The following GAS7 variants were observed in gnomAD, a reference collection of about 807,000 sequenced individuals.
The protein encoded by GAS7 is growth arrest-specific protein 7.
Under a neutral mutation model 71.1 loss-of-function variants are expected in GAS7, and 28 were observed. The ratio of observed to expected loss-of-function variants is 0.39; its 90% CI spans 0.29 to 0.54. GAS7 has a LOEUF of 0.54. GAS7 is among the 20% of genes least tolerant of loss of function. The probability of loss-of-function intolerance (pLI) is 0.62; values close to 1 mark genes in which losing one functional copy is unlikely to be tolerated. For synonymous variants in GAS7, 258 were observed against 245.8 expected (o/e 1.05, Z -0.46); for missense variants, 436 against 627.8 (o/e 0.69, Z 3.27).
intron 1 of GAS7, among the ~76,000 whole-genome samples, chr17:10,179,326 T>A (rs1296790841): frequency 1.3e-5 from 2 of 148,888 alleles, no homozygotes; most frequent in Non-Finnish European, 3.0e-5. Context: ...TGAGTGAAAC[T>A]CCATCTCAAA....
At chr17:10,198,175 C>A in intron 1 of GAS7, 33 bp downstream of exon 1, 1 of 1,595,098 alleles carries the variant, frequency 6.3e-7, no homozygotes. Context: ...GACCGCAGCC[C>A]CGGCTCCTAC....
At chr17:9,960,643 G>A (rs961037101) in intron 4 of GAS7, among the ~76,000 whole-genome samples, 3 of 152,336 alleles carry the variant, frequency 2.0e-5, no homozygotes, top group Admixed American at 1.3e-4. Flanking sequence ...TGGACACCTG[G>A]CCAAATGACC....
At chr17:9,934,122 C>T (rs2068306547) in intron 9 of GAS7, 44 bp downstream of exon 9, 1 of 1,229,938 alleles carries the variant, frequency 8.1e-7, no homozygotes, top group Admixed American at 1.7e-5. Context: ...TTTTAGTACC[C>T]CAGTGTGTAA....
At chr17:10,096,798 C>A (rs1479748400) in intron 1 of GAS7, among the ~76,000 whole-genome samples, 2 of 152,272 alleles carry the variant, frequency 1.3e-5, no homozygotes, top group East Asian at 3.8e-4. Context: ...CACATCCTGA[C>A]ATCTTTGGAT....
chr17:10,106,971 G>C (rs766065429), intron 1 of GAS7, among the ~76,000 whole-genome samples: 3 of 152,144 alleles, frequency 2.0e-5, no homozygotes, highest in Non-Finnish European at 2.9e-5. Flanking sequence ...GAAGAAAGAG[G>C]CTGATGCCAC....
At chr17:9,946,839 T>C in intron 6 of GAS7, 55 bp downstream of exon 6, 1 of 1,120,490 alleles carries the variant, frequency 8.9e-7, no homozygotes, top group Admixed American at 1.8e-5. Flanking sequence ...CCATCCTGGG[T>C]GTCCACTCCC....
chr17:10,030,592 TA>T (rs1240263157), intron 1 of GAS7, among the ~76,000 whole-genome samples: 1 of 152,232 alleles, frequency 6.6e-6, no homozygotes, highest in Non-Finnish European at 1.5e-5. Context: ...TCGGAGGTAT[TA>T]CCAGAGTCCT....
At chr17:10,138,548 G>T (rs954697209) in intron 1 of GAS7, among the ~76,000 whole-genome samples, 1 of 151,832 alleles carries the variant, frequency 6.6e-6, no homozygotes, top group Non-Finnish European at 1.5e-5. Flanking sequence ...GCAGATCATG[G>T]GGTCAGGAGT....
intron 2 of GAS7, among the ~76,000 whole-genome samples, chr17:9,995,281 C>T (rs2070994755): frequency 6.6e-6 from 1 of 152,160 alleles, no homozygotes; most frequent in Non-Finnish European, 1.5e-5. Flanking sequence ...TGAAGGAAGA[C>T]TCAGCTCAAA....
chr17:9,917,192 T>G lies in GAS7; in HGVS notation c.*36A>C. On this transcript the variant is annotated 3_prime_UTR_variant, in exon 14 of 14. Transcript: ENST00000432992. ...CCCCATGGTGGGAGCCCAGCCCCCC[T>G]CCCCAGCAGGACCCCCCGAAGCTGC... is the stretch of plus-strand genomic sequence containing the variant. 554 of 1,026,668 alleles carry G rather than the reference T, an allele frequency of 5.4e-4. No individual in the cohort carries two copies. Among genetic ancestry groups the G allele is most frequent in the Non-Finnish European group, 7.9e-4 (509 of 645,270 alleles). The allele number at this position is 1,026,668 out of a possible 1,614,324, so 63.6% of individuals were successfully genotyped here.
Position 10,117,450 on chromosome 17 carries a change from A to T in GAS7, c.183+80758T>A, listed in dbSNP as rs73273882. Among the ~76,000 whole-genome samples the T allele has an allele frequency of 6.9e-3, 1,045 of 152,278 alleles. 8 individuals are homozygous for T. The highest frequency in any genetic ancestry group is 0.024 in the African/African-American group (995 of 41,576). On this transcript the variant is annotated intron_variant, in intron 1 of 13. Transcript: ENST00000432992. Reference sequence around the variant, plus strand: ...CAGGGGACCATTACTCAGCCCCCACAGGGAGTTGGGCTGCAAAGGCCCTGA... The same window carrying T: ...CAGGGGACCATTACTCAGCCCCCACTGGGAGTTGGGCTGCAAAGGCCCTGA...
At chr17:10,115,614 G>A (rs1311069079) in intron 1 of GAS7, among the ~76,000 whole-genome samples, 4 of 150,480 alleles carry the variant, frequency 2.7e-5, no homozygotes, top group Non-Finnish European at 5.9e-5. Context: ...CTAGCATGAG[G>A]TGTCCATTGT....
At chr17:10,185,426 C>T (rs1167827630) in intron 1 of GAS7, among the ~76,000 whole-genome samples, 2 of 152,234 alleles carry the variant, frequency 1.3e-5, no homozygotes, top group Middle Eastern at 3.4e-3. Flanking sequence ...GTACAAGGTG[C>T]CAAGCTCTTC....
rs1266349442 is a variant in GAS7, at chr17:9,969,748, C to T, written c.400G>A (p.Ala134Thr). ...SLPPTVNGYH[A>T]SGTPAHPPET... is the part of the protein sequence containing the mutation. Reference sequence around the variant, plus strand: ...GGAGGGTGCGCTGGGGTCCCTGATGCGTGGTATCCATTCACTGCAGGGACA... The same window carrying T: ...GGAGGGTGCGCTGGGGTCCCTGATGTGTGGTATCCATTCACTGCAGGGACA... Residue 134 changes from alanine (A) to threonine (T), a missense_variant, in exon 4 of 14, where the codon GCA (alanine) becomes ACA (threonine). Ala to Thr is a moderately conservative substitution (Grantham distance 58). Coordinates refer to ENST00000432992, the MANE Select transcript of GAS7 (RefSeq NM_201433.2). The surrounding 1 kb of genome is among the most constrained non-coding windows in gnomAD (Gnocchi z 5.5). 1.2e-5 allele frequency: 19 copies of T among 1,608,372 alleles called. No homozygotes were observed. The highest frequency in any genetic ancestry group is 1.7e-4 in the Middle Eastern group (1 of 6,056).
chr17:10,076,677 C>T (rs1207506624), intron 1 of GAS7, among the ~76,000 whole-genome samples: 1 of 152,100 alleles, frequency 6.6e-6, no homozygotes, highest in Non-Finnish European at 1.5e-5. Context: ...TATGCCATCA[C>T]AAAACATGCC....
intron 1 of GAS7, among the ~76,000 whole-genome samples, chr17:10,141,263 C>T (rs570188576): frequency 6.6e-6 from 1 of 152,346 alleles, no homozygotes; most frequent in African/African-American, 2.4e-5. Flanking sequence ...TCCTGGCTAA[C>T]ACAGTGAAAC....
At chr17:10,057,574 G>A (rs1485607363) in intron 1 of GAS7, among the ~76,000 whole-genome samples, 1 of 151,514 alleles carries the variant, frequency 6.6e-6, no homozygotes, top group Non-Finnish European at 1.5e-5. Flanking sequence ...CCCCGTCAGG[G>A]AGGGAGGTGG....
intron 1 of GAS7, among the ~76,000 whole-genome samples, chr17:10,185,632 A>T (rs2074446318): frequency 6.6e-6 from 1 of 152,230 alleles, no homozygotes; most frequent in Non-Finnish European, 1.5e-5. Flanking sequence ...CCCAATTTAC[A>T]GCCGGTCAAT....
chr17:9,974,057 G>A lies in GAS7; in HGVS notation c.386-4295C>T, dbSNP rs537496066. ...CCAGTCTTTCCCCACACTTGCAGCC[G>A]CCAGGAACTGTCTAAAGAGGAGACA... is the stretch of plus-strand genomic sequence containing the variant. On this transcript the variant is annotated intron_variant, in intron 3 of 13. Coordinates refer to ENST00000432992, the MANE Select transcript of GAS7 (RefSeq NM_201433.2). This position sits in a 1 kb window ranked among gnomAD's most constrained non-coding sequence, Gnocchi z 4.0. Among the ~76,000 whole-genome samples the A allele has an allele frequency of 8.9e-4, 136 of 152,144 alleles. No individual in the cohort carries two copies. In the South Asian group the frequency reaches 0.012, roughly 14 times the overall value.
Sources: allele counts gnomAD v4.1 joint callset (sites outside exome capture counted in the v4.1 genomes callset), GRCh38; gene constraint gnomAD v4.1.1; non-coding constraint Gnocchi (gnomAD v3.1); transcripts MANE v1.5; gene names NCBI Gene and HGNC (gene_info 2026-07-23, HGNC 2026-07-21).